Variants in DRD3 observed in about 807,000 individuals in gnomAD.
DRD3 encodes D(3) dopamine receptor.
A neutral mutation model predicts 36.3 loss-of-function variants in DRD3; 19 were observed. The observed-to-expected ratio is 0.52, with a 90% CI of 0.36 to 0.77. The LOEUF (loss-of-function observed/expected upper bound fraction) is 0.77, where lower values mean the gene tolerates loss of function less well. DRD3 is among the 30% of genes least tolerant of loss of function. The pLI is 0.00. For synonymous variants in DRD3, 195 were observed against 203.7 expected (o/e 0.96, Z 0.36); for missense variants, 465 against 505.3 (o/e 0.92, Z 0.77).
intron 3 of DRD3, among the ~76,000 whole-genome samples, chr3:114,155,597 G>A (rs1033475488): frequency 6.6e-6 from 1 of 152,198 alleles, no homozygotes. Context: ...CTGGCAAATC[G>A]TAGAAAAGCA....
chr3:114,188,691 T>A lies in DRD3; in HGVS notation c.-155-9915A>T, dbSNP rs539748816. ...CCAGAAGTCCCTTGGCAAGTTCTCT[T>A]TACGTTTCATTTGCCAGATTTACAT... On this transcript the variant is annotated intron_variant, in intron 1 of 7. Transcript: ENST00000460779. 2.2e-4 allele frequency among the ~76,000 whole-genome samples: 33 copies of A among 152,352 alleles called. 1 individual carries two copies. The South Asian group carries it at 6.6e-3, about 31-fold the overall frequency.
chr3:114,187,994 A>C (rs1034775570), intron 1 of DRD3, among the ~76,000 whole-genome samples: 1 of 152,122 alleles, frequency 6.6e-6, no homozygotes, highest in African/African-American at 2.4e-5. Context: ...TAGGAAGAGA[A>C]AAAGAGAAGC....
rs540504440 is a variant in DRD3 at position 114,137,891 on chromosome 3, G to A, written c.723+1609C>T. ...TGGGCGCCTGTAGTCCCAGCTACTC[G>A]GGAGGCTGAGGCAGGAGAATGGCGT... On this transcript the variant is annotated intron_variant, in intron 5 of 6. Transcript: ENST00000383673. Among the ~76,000 whole-genome samples the A allele has an allele frequency of 2.7e-4, 41 of 150,672 alleles. No homozygotes were observed. In the East Asian group the frequency reaches 6.0e-3, roughly 22 times the overall value.
intron 4 of DRD3, among the ~76,000 whole-genome samples, chr3:114,142,275 C>T (rs532185330): frequency 6.6e-6 from 1 of 152,042 alleles, no homozygotes; most frequent in African/African-American, 2.4e-5. Flanking sequence ...GGTTTTAAAA[C>T]CTGCCTGTGA....
intron 2 of DRD3, among the ~76,000 whole-genome samples, chr3:114,161,559 T>C (rs558059073): frequency 6.6e-6 from 1 of 152,350 alleles, no homozygotes; most frequent in South Asian, 2.1e-4. Context: ...AATGATTTTT[T>C]GTTTAAAAGC....
rs76943601 is a variant in DRD3, at chr3:114,171,227, C to T, written c.270+496G>A. On this transcript the variant is annotated intron_variant, in intron 2 of 6. Coordinates refer to ENST00000383673, the MANE Select transcript of DRD3 (RefSeq NM_000796.6). Reference sequence around the variant, plus strand: ...AAAGAGCAAAGAGGGACTGAGCCATCGAAAGAAGTCTGATCTGTTCGCTGG... The same window carrying T: ...AAAGAGCAAAGAGGGACTGAGCCATTGAAAGAAGTCTGATCTGTTCGCTGG... 3.8e-3 allele frequency among the ~76,000 whole-genome samples: 580 copies of T among 152,216 alleles called. 1 individual carries two copies. Among genetic ancestry groups the T allele is most frequent in the African/African-American group, 0.012 (493 of 41,514 alleles).
At chr3:114,190,997 A>G (rs2078008359) in intron 1 of DRD3, among the ~76,000 whole-genome samples, 1 of 152,192 alleles carries the variant, frequency 6.6e-6, no homozygotes, top group Non-Finnish European at 1.5e-5. Flanking sequence ...GCATGATAAA[A>G]GAGAATAGTT....
At chr3:114,174,468 A>G (rs1273187358) in intron 1 of DRD3, among the ~76,000 whole-genome samples, 1 of 152,232 alleles carries the variant, frequency 6.6e-6, no homozygotes, top group Non-Finnish European at 1.5e-5. Context: ...TAAAAATAGT[A>G]TAGCTGAATG....
At chr3:114,147,121 C>T (rs2077575939) in intron 4 of DRD3, among the ~76,000 whole-genome samples, 1 of 151,950 alleles carries the variant, frequency 6.6e-6, no homozygotes, top group Non-Finnish European at 1.5e-5. Flanking sequence ...GTTTTTTTAA[C>T]TGGTACATTT....
intron 3 of DRD3, among the ~76,000 whole-genome samples, chr3:114,159,355 C>T (rs1322869534): frequency 1.3e-5 from 2 of 151,672 alleles, no homozygotes. Context: ...ACCTTCTCTC[C>T]ATCTCTCCCT....
chr3:114,142,826 C>T, intron 4 of DRD3, among the ~76,000 whole-genome samples: 1 of 152,248 alleles, frequency 6.6e-6, no homozygotes, highest in East Asian at 1.9e-4. Flanking sequence ...CCTGCATTGC[C>T]ATCTCTTCCT....
intron 2 of DRD3, among the ~76,000 whole-genome samples, chr3:114,161,070 C>T (rs564704581): frequency 5.3e-5 from 8 of 152,238 alleles, no homozygotes; most frequent in Non-Finnish European, 8.8e-5. Flanking sequence ...CCAAAGGCCA[C>T]TCATGGACCG....
chr3:114,157,920 T>C (rs1272329266), intron 3 of DRD3, among the ~76,000 whole-genome samples: 1 of 152,076 alleles, frequency 6.6e-6, no homozygotes, highest in Non-Finnish European at 1.5e-5. Context: ...CTGACCAACA[T>C]GGAGAAACCT....
intron 1 of DRD3, among the ~76,000 whole-genome samples, chr3:114,198,546 T>C (rs1472269590): frequency 1.3e-5 from 2 of 151,988 alleles, no homozygotes; most frequent in African/African-American, 2.4e-5. Context: ...TCTAGTAGGA[T>C]TTTTTTTGGG....
chr3:114,135,140 A>G (rs2077464832), intron 5 of DRD3, among the ~76,000 whole-genome samples: 1 of 151,372 alleles, frequency 6.6e-6, no homozygotes. Context: ...CACGATAACC[A>G]CTTTTTTAGC....
intron 1 of DRD3, among the ~76,000 whole-genome samples, chr3:114,198,009 A>G (rs192900585): frequency 6.6e-4 from 100 of 152,290 alleles, no homozygotes; most frequent in African/African-American, 2.3e-3. Flanking sequence ...GATTGCATTT[A>G]TTCTACAGAT....
chr3:114,157,043 CT>C (rs1217475557), intron 3 of DRD3, among the ~76,000 whole-genome samples: 3 of 115,536 alleles, frequency 2.6e-5, no homozygotes, highest in South Asian at 2.7e-4. Context: ...TCTTTCTCTC[CT>C]TTTTTTTTCT....
At chr3:114,186,603 G>T (rs1164217281) in intron 1 of DRD3, among the ~76,000 whole-genome samples, 2 of 152,194 alleles carry the variant, frequency 1.3e-5, no homozygotes, top group Non-Finnish European at 2.9e-5. Flanking sequence ...GCCCACTCTG[G>T]CTCCTGCAAG....
At chr3:114,129,517 C>T (rs2077408448) in intron 6 of DRD3, among the ~76,000 whole-genome samples, 1 of 151,982 alleles carries the variant, frequency 6.6e-6, no homozygotes, top group Non-Finnish European at 1.5e-5. Flanking sequence ...TTTTCTTTTT[C>T]AATTCAATTC....
Sources: allele counts gnomAD v4.1 joint callset (sites outside exome capture counted in the v4.1 genomes callset), GRCh38; gene constraint gnomAD v4.1.1; transcripts MANE v1.5; gene names NCBI Gene and HGNC (gene_info 2026-07-23, HGNC 2026-07-21).